SELENOW: variants seen among roughly 807,000 people sequenced by gnomAD.
SELENOW encodes selenoprotein W, 1.
In SELENOW, 20 loss-of-function variants were observed where a neutral mutation model predicts 16.6. That is an observed-to-expected ratio of 1.21 (90% CI 0.85 to 1.76). The LOEUF (loss-of-function observed/expected upper bound fraction) is 1.76. Among genes scored for constraint, SELENOW ranks in the 40% most tolerant of loss-of-function variants. The pLI is 0.00. For missense variants in SELENOW, 124 were observed against 111.0 expected (o/e 1.12, Z -0.53); for synonymous variants, 44 against 46.2 (o/e 0.95, Z 0.19).
intron 1 of SELENOW, chr19:47,779,976 C>T (rs1967453379): frequency 3.2e-6 from 1 of 314,704 alleles, no homozygotes; most frequent in Non-Finnish European, 6.6e-6. Context: ...TCTCTGCCTG[C>T]TCGACAAAGC....
At chr19:47,780,587 G>T in intron 1 of SELENOW, 138 bp from the exon 2 acceptor site, 2 of 696,118 alleles carry the variant, frequency 2.9e-6, no homozygotes, top group South Asian at 1.7e-5. Flanking sequence ...TCTTCTGCTT[G>T]GTCATCTGTG....
chr19:47,781,415 C>T (rs749595920), intron 5 of SELENOW, 27 bp downstream of exon 5: 3 of 1,254,592 alleles, frequency 2.4e-6, no homozygotes, highest in Non-Finnish European at 2.3e-6. Context: ...GACAGGGACA[C>T]CACCCTTTGG....
chr19:47,778,873 G>A, intron 1 of SELENOW, 59 bp downstream of exon 1: 1 of 1,541,810 alleles, frequency 6.5e-7, no homozygotes, highest in Non-Finnish European at 8.8e-7. Flanking sequence ...GATTCTCGGA[G>A]CCGGGGTCAG....
chr19:47,779,987 A>G, intron 1 of SELENOW: 1 of 326,502 alleles, frequency 3.1e-6, no homozygotes, highest in Non-Finnish European at 6.4e-6. Context: ...TCGACAAAGC[A>G]GAGGCAAGAG....
At position 47,781,011 on chromosome 19, in the gene SELENOW, C is replaced by T. The variant is rs555362789; in HGVS notation, c.108+94C>T. The T allele has an allele frequency of 3.7e-5, 58 of 1,548,438 alleles. No individual in the cohort carries two copies. The South Asian group carries it at 4.6e-4, about 12-fold the overall frequency. On this transcript the variant is annotated intron_variant, in intron 3 of 5. Transcript: ENST00000601048. ...CTGCAGGGGGGTTAGGTCAGCCCTACGCCCTTCACCCATGTTCTCATCCCC... is the reference window on the plus strand; with the variant it reads ...CTGCAGGGGGGTTAGGTCAGCCCTATGCCCTTCACCCATGTTCTCATCCCC...
At position 47,781,325 on chromosome 19, in the gene SELENOW, T is replaced by G; in HGVS notation, c.219T>G (p.Phe73Leu). The G allele has an allele frequency of 6.2e-7, 1 of 1,613,176 alleles. No individual in the cohort carries two copies. The highest frequency in any genetic ancestry group is 1.1e-5 in the South Asian group (1 of 91,040). ...GCTACGTGGACACAGAAAGCAAGTTTCTGAAGTTGGTGGCCGCCATCAAAG... is the reference window on the plus strand; with the variant it reads ...GCTACGTGGACACAGAAAGCAAGTTGCTGAAGTTGGTGGCCGCCATCAAAG... Reference protein sequence around the residue: ...GDGYVDTESKFLKLVAAIKAA... With the variant: ...GDGYVDTESKLLKLVAAIKAA... The change falls in exon 5 of 6, where the codon TTT becomes TTG. Residue 73 changes from phenylalanine to leucine, a missense_variant. Transcript: ENST00000601048.
At chr19:47,780,680 C>A in intron 1 of SELENOW, 45 bp from the exon 2 acceptor site, 1 of 1,540,626 alleles carries the variant, frequency 6.5e-7, no homozygotes, top group Non-Finnish European at 8.8e-7. Context: ...TCCCCCACTT[C>A]TCCCTCTCTC....
At chr19:47,781,030 C>T (rs1395498360) in intron 3 of SELENOW, 78 bp from the exon 4 acceptor site, 4 of 1,556,608 alleles carry the variant, frequency 2.6e-6, no homozygotes, top group Non-Finnish European at 2.7e-6. Flanking sequence ...CCCATGTTCT[C>T]ATCCCCCTGG....
At chr19:47,780,517 C>G in intron 1 of SELENOW, 1 of 599,840 alleles carries the variant, frequency 1.7e-6, no homozygotes, top group Non-Finnish European at 3.0e-6. Flanking sequence ...ACCCCCTGTG[C>G]TGTGTCCCAA....
At chr19:47,780,783 G>A in intron 2 of SELENOW, 34 bp downstream of exon 2, 1 of 1,587,460 alleles carries the variant, frequency 6.3e-7, no homozygotes, top group Non-Finnish European at 8.6e-7. Flanking sequence ...GGCATTCCTG[G>A]GAGCTGGGGA....
chr19:47,780,951 C>T, intron 3 of SELENOW, 34 bp downstream of exon 3: 3 of 1,610,322 alleles, frequency 1.9e-6, no homozygotes, highest in Non-Finnish European at 2.5e-6. Flanking sequence ...GACTTGAGCA[C>T]AGCCACTGTG....
intron 1 of SELENOW, chr19:47,780,031 C>A: frequency 2.4e-6 from 1 of 412,888 alleles, no homozygotes; most frequent in Non-Finnish European, 5.0e-6. Context: ...GCCTGTACAC[C>A]AGATTCCAGT....
chr19:47,781,397 GC>G lies in SELENOW; in HGVS notation c.*18+12del. The G allele has an allele frequency of 6.9e-7, 1 of 1,450,512 alleles. No individual in the cohort carries two copies. Among genetic ancestry groups the G allele is most frequent in the Non-Finnish European group, 9.5e-7 (1 of 1,050,654 alleles). 89.9% of individuals were successfully genotyped at this position (1,450,512 alleles called of 1,614,324 possible). On this transcript the variant is annotated intron_variant, in intron 5 of 5. Coordinates refer to ENST00000601048, the MANE Select transcript of SELENOW (RefSeq NM_003009.4). ...GCGCCCTGAAGGCAGAGGTGAGGGGGCCCACTAGACAGGGACACCACCCTTT... is the reference window on the plus strand; with the variant it reads ...GCGCCCTGAAGGCAGAGGTGAGGGGGCCACTAGACAGGGACACCACCCTTT...
Position 47,780,872 on chromosome 19 carries a change from G to C in SELENOW, c.63G>C (p.Gln21His). 6.2e-7 allele frequency: 1 copy of C among 1,613,138 alleles called. No homozygotes were observed. Among genetic ancestry groups the C allele is most frequent in the Non-Finnish European group, 8.5e-7 (1 of 1,179,638 alleles). ...GAUGYKSKYL[Q>H]LKKKLEDEFP... ...TCTCACCGCGTTTTCAGTATCTTCA[G>C]CTCAAGAAGAAGTTAGAAGATGAGT... The change falls in exon 3 of 6, where the codon CAG becomes CAC. Residue 21 changes from glutamine (Q) to histidine (H), a missense_variant. Physicochemically the swap from Gln to His is conservative, Grantham distance 24. Coordinates refer to ENST00000601048, the MANE Select transcript of SELENOW (RefSeq NM_003009.4).
chr19:47,781,557 A>G (rs1967477211), intron 5 of SELENOW, 169 bp downstream of exon 5: 4 of 609,748 alleles, frequency 6.6e-6, no homozygotes, highest in Non-Finnish European at 8.8e-6. Flanking sequence ...AACAACTGAG[A>G]TGGGGTCAGA....
chr19:47,781,421 T>G (rs1366032295), intron 5 of SELENOW, 33 bp downstream of exon 5: 1 of 1,181,326 alleles, frequency 8.5e-7, no homozygotes, highest in Non-Finnish European at 1.2e-6. Flanking sequence ...GACACCACCC[T>G]TTGGATCTTC....
chr19:47,781,301 C>A lies in SELENOW; in HGVS notation c.195C>A (p.Gly65=), dbSNP rs904133911. ...KLIHSKKKGD[G]YVDTESKFLK... is the part of the protein sequence containing the mutation. ...CCTCCCCTCCCTAGAAAGGCGATGG[C>A]TACGTGGACACAGAAAGCAAGTTTC... is the stretch of plus-strand genomic sequence containing the variant. Residue 65 remains glycine, a synonymous_variant, in exon 5 of 6, where the codon GGC becomes GGA. Coordinates refer to ENST00000601048, the MANE Select transcript of SELENOW (RefSeq NM_003009.4). The A allele has an allele frequency of 6.2e-7, 1 of 1,613,588 alleles. No individual in the cohort carries two copies. Among genetic ancestry groups the A allele is most frequent in the African/African-American group, 1.3e-5 (1 of 75,014 alleles).
chr19:47,778,832 C>T lies in SELENOW; in HGVS notation c.29+18C>T, dbSNP rs777937517. On this transcript the variant is annotated intron_variant, in intron 1 of 5. Transcript: ENST00000601048. ...GTTTATTGGTAAGCCCAGCGGCCAG[C>T]GGCCCCCGTCCCCGACCCCCGCCGG... is the stretch of plus-strand genomic sequence containing the variant. 1 of 1,598,674 alleles carries T rather than the reference C, an allele frequency of 6.3e-7. No homozygotes were observed. The highest frequency in any genetic ancestry group is 8.5e-7 in the Non-Finnish European group (1 of 1,173,620).
At chr19:47,779,164 C>T (rs1228515373) in intron 1 of SELENOW, 2 of 284,856 alleles carry the variant, frequency 7.0e-6, no homozygotes, top group African/African-American at 4.4e-5. Context: ...CTTCCCCTCC[C>T]CCAATATCCC....
Sources: gnomAD v4.1 joint callset for allele counts on GRCh38, gnomAD v4.1.1 for gene constraint, MANE v1.5 for transcripts, NCBI Gene and HGNC (gene_info 2026-07-23, HGNC 2026-07-21) for gene names.